CHD6: variants seen among roughly 807,000 people sequenced by gnomAD.
CHD6 encodes chromodomain helicase DNA binding protein 6, also known as ATP-dependent chromatin remodeler CHD6.
Under a neutral mutation model 276.9 loss-of-function variants are expected in CHD6, and 50 were observed. The observed-to-expected ratio is 0.18, with a 90% CI of 0.14 to 0.23. The LOEUF (loss-of-function observed/expected upper bound fraction) is 0.23. Ranked by LOEUF, CHD6 falls within the 10% of genes least tolerant of loss-of-function variation. The pLI is 1.00. For missense variants in CHD6, 2,564 were observed against 3,365.8 expected, an observed-to-expected ratio of 0.76 and a Z score of 5.89; for synonymous variants, 1,173 against 1,229.3, an observed-to-expected ratio of 0.95 and a Z score of 0.96.
intron 1 of CHD6, among the ~76,000 whole-genome samples, chr20:41,602,272 T>A (rs2045780948): frequency 6.6e-6 from 1 of 152,180 alleles, no homozygotes; most frequent in South Asian, 2.1e-4. Flanking sequence ...AAGCTTCCTT[T>A]CCGCTACCCC....
intron 16 of CHD6, among the ~76,000 whole-genome samples, chr20:41,476,369 A>T (rs1416354312): frequency 6.6e-6 from 1 of 152,006 alleles, no homozygotes; most frequent in Non-Finnish European, 1.5e-5. Context: ...CCTCTATGTG[A>T]CTGGCCAGGA....
intron 1 of CHD6, among the ~76,000 whole-genome samples, chr20:41,587,477 G>T (rs548154813): frequency 1.3e-5 from 2 of 152,176 alleles, no homozygotes; most frequent in African/African-American, 4.8e-5. Context: ...TTTCAGTAGA[G>T]GGTCTCTTCT....
At chr20:41,494,798 C>T (rs960314313) in intron 8 of CHD6, among the ~76,000 whole-genome samples, 3 of 152,184 alleles carry the variant, frequency 2.0e-5, no homozygotes, top group East Asian at 1.9e-4. Flanking sequence ...CCCTGGCAAG[C>T]CTCTCAGATT....
At chr20:41,589,784 C>G (rs1174462391) in intron 1 of CHD6, among the ~76,000 whole-genome samples, 1 of 152,170 alleles carries the variant, frequency 6.6e-6, no homozygotes, top group Non-Finnish European at 1.5e-5. Context: ...GTGAAAATGG[C>G]CATACTGCCC....
chr20:41,572,294 G>T (rs1471573947), intron 1 of CHD6, among the ~76,000 whole-genome samples: 1 of 152,164 alleles, frequency 6.6e-6, no homozygotes, highest in Admixed American at 6.5e-5. Context: ...TTGCTCCAAG[G>T]TCTAGTGTAA....
intron 16 of CHD6, chr20:41,482,564 T>C: frequency 1.9e-6 from 1 of 512,888 alleles, no homozygotes; most frequent in Non-Finnish European, 3.9e-6. Context: ...TAGCAATGCC[T>C]AGGCTACCAG....
chr20:41,515,250 GA>G (rs753326112), intron 3 of CHD6, among the ~76,000 whole-genome samples: 1 of 152,098 alleles, frequency 6.6e-6, no homozygotes, highest in African/African-American at 2.4e-5. Context: ...TCTTCTCTAG[GA>G]AGTTCAACTG....
intron 36 of CHD6, among the ~76,000 whole-genome samples, chr20:41,411,572 T>TAAC (rs2046841569): frequency 6.6e-6 from 1 of 152,180 alleles, no homozygotes; most frequent in African/African-American, 2.4e-5. Flanking sequence ...CTCTAGAGGT[T>TAAC]ATGACTTTTG....
chr20:41,593,908 G>A (rs369768781), intron 1 of CHD6, among the ~76,000 whole-genome samples: 6 of 151,512 alleles, frequency 4.0e-5, no homozygotes, highest in Admixed American at 6.6e-5. Context: ...TTGTGAGAAC[G>A]TAATTTCTAT....
chr20:41,503,487 A>G (rs1485236469), intron 5 of CHD6, among the ~76,000 whole-genome samples: 1 of 152,150 alleles, frequency 6.6e-6, no homozygotes, highest in Non-Finnish European at 1.5e-5. Context: ...TGACAGTGAA[A>G]TATTTTTCTT....
At position 41,447,653 on chromosome 20, in the gene CHD6, A is replaced by C. The variant is rs549236551; in HGVS notation, c.3773+229T>G. Among the ~76,000 whole-genome samples the C allele has an allele frequency of 6.6e-5, 10 of 152,316 alleles. No homozygotes were observed. The South Asian group carries it at 1.9e-3, about 28-fold the overall frequency. On this transcript the variant is annotated intron_variant, in intron 24 of 36. Coordinates refer to ENST00000373233, the MANE Select transcript of CHD6 (RefSeq NM_032221.5). ...TGAGGGAAATAAAATGAACTAACTC[A>C]CCAAAAGCTAGGTTTCTAAGAAATG...
chr20:41,452,095 G>T lies in CHD6; in HGVS notation c.3324-70C>A. On this transcript the variant is annotated intron_variant, in intron 21 of 36. Coordinates refer to ENST00000373233, the MANE Select transcript of CHD6 (RefSeq NM_032221.5). This position sits in a 1 kb window ranked among gnomAD's most constrained non-coding sequence, Gnocchi z 4.2. ...GGCCATGCAGGCAGCCTCCCCACAG[G>T]AGGAGAAACAAGAGCCATACATGCT... 8.4e-7 allele frequency: 1 copy of T among 1,189,904 alleles called. No individual in the cohort carries two copies. Among genetic ancestry groups the T allele is most frequent in the Non-Finnish European group, 1.2e-6 (1 of 807,092 alleles). 73.7% of individuals were successfully genotyped at this position (1,189,904 alleles called of 1,614,324 possible).
chr20:41,429,940 G>C (rs2047482820), intron 27 of CHD6, among the ~76,000 whole-genome samples: 1 of 152,176 alleles, frequency 6.6e-6, no homozygotes, highest in African/African-American at 2.4e-5. Flanking sequence ...TCTATGCCTA[G>C]GTCTGTTGAA....
intron 25 of CHD6, among the ~76,000 whole-genome samples, chr20:41,441,183 A>C (rs2047889954): frequency 6.6e-6 from 1 of 152,110 alleles, no homozygotes; most frequent in Admixed American, 6.5e-5. Flanking sequence ...TAAGTCTCTC[A>C]TGAGGTCGTG....
Position 41,450,954 on chromosome 20 carries a change from G to C in CHD6, c.3675C>G (p.His1225Gln), listed in dbSNP as rs140007009. The C allele has an allele frequency of 1.9e-3, 3,070 of 1,612,404 alleles. 6 individuals are homozygous for C. Among genetic ancestry groups the C allele is most frequent in the Non-Finnish European group, 2.4e-3 (2,839 of 1,179,002 alleles). Residue 1225 changes from histidine (H) to glutamine (Q), a missense_variant, in exon 23 of 37, where the codon CAC (histidine) becomes CAG (glutamine). His to Gln is a conservative substitution (Grantham distance 24, BLOSUM62 0). Coordinates refer to ENST00000373233, the MANE Select transcript of CHD6 (RefSeq NM_032221.5). Reference protein sequence around the residue: ...DDGYKKHLKQHCNKVLLRVRM... With the variant: ...DDGYKKHLKQQCNKVLLRVRM... ...GGAGGAGGGACACTCACTTGTTGCA[G>C]TGCTGTTTGAGGTGTTTCTTATAGC... is the stretch of plus-strand genomic sequence containing the variant.
chr20:41,525,208 G>C lies in CHD6; in HGVS notation c.554+7842C>G, dbSNP rs73611298. Among the ~76,000 whole-genome samples, 237 of 152,294 alleles carry C rather than the reference G, an allele frequency of 1.6e-3. 2 individuals are homozygous for C. Among genetic ancestry groups the C allele is most frequent in the East Asian group, 0.013 (68 of 5,178 alleles). The stretch of plus-strand genomic sequence containing the variant: ...TTTAGGGTATGGGCAGGGAAGGGCA[G>C]AGAAGTTAGTGCCCTGTGCCCCCTT... On this transcript the variant is annotated intron_variant, in intron 3 of 36. Transcript: ENST00000373233.
intron 29 of CHD6, among the ~76,000 whole-genome samples, chr20:41,424,292 A>G (rs759788201): frequency 2.0e-5 from 3 of 152,180 alleles, no homozygotes; most frequent in Non-Finnish European, 4.4e-5. Context: ...AAGGTCCTCT[A>G]GTCTTTATAT....
intron 1 of CHD6, among the ~76,000 whole-genome samples, chr20:41,589,061 A>G (rs1347602546): frequency 6.6e-6 from 1 of 152,224 alleles, no homozygotes; most frequent in East Asian, 1.9e-4. Context: ...GGCTGGTTCA[A>G]CATACGCAAA....
chr20:41,495,167 TTA>T lies in CHD6; in HGVS notation c.1093-1225_1093-1224del, dbSNP rs1486693102. Among the ~76,000 whole-genome samples, 3 of 152,210 alleles carry T rather than the reference TTA, an allele frequency of 2.0e-5. No individual in the cohort carries two copies. In the East Asian group the frequency reaches 5.8e-4, roughly 29 times the overall value. ...AACACTGCTATAAACATTGTGTCCT[TTA>T]TTATTCACAATAGTCAAGATTACGG... is the stretch of plus-strand genomic sequence containing the variant. On this transcript the variant is annotated intron_variant, in intron 8 of 36. Transcript: ENST00000373233.
Sources: gnomAD v4.1 joint callset for allele counts (sites outside exome capture counted in the v4.1 genomes callset) on GRCh38, gnomAD v4.1.1 for gene constraint, Gnocchi (gnomAD v3.1) non-coding constraint, MANE v1.5 for transcripts, NCBI Gene and HGNC (gene_info 2026-07-23, HGNC 2026-07-21) for gene names.